ASTN2: variants seen among roughly 807,000 people sequenced by gnomAD.
ASTN2 encodes astrotactin 2, also known as astrotactin-2.
ASTN2 carries 54 observed loss-of-function variants against 139.8 expected under a neutral mutation model. The ratio of observed to expected loss-of-function variants is 0.39; its 90% CI spans 0.31 to 0.48. The LOEUF (loss-of-function observed/expected upper bound fraction) is 0.48. Among genes scored for constraint, ASTN2 ranks in the 20% least tolerant of loss-of-function variants. The pLI is 0.95. For missense variants in ASTN2, 1,565 were observed against 1,725.1 expected (o/e 0.91, Z 1.64); for synonymous variants, 756 against 719.5 (o/e 1.05, Z -0.81).
At chr9:117,135,906 G>A (rs974904372) in intron 4 of ASTN2, among the ~76,000 whole-genome samples, 16 of 152,146 alleles carry the variant, frequency 1.1e-4, no homozygotes, top group African/African-American at 3.9e-4. Context: ...CCCATGTGCT[G>A]GAGGCTGTAG....
At chr9:117,188,162 G>GTGAT (rs1452751750) in intron 3 of ASTN2, among the ~76,000 whole-genome samples, 2 of 124,338 alleles carry the variant, frequency 1.6e-5, no homozygotes, top group East Asian at 5.1e-4. Context: ...GTGTGTCTGT[G>GTGAT]TGATAGAGAG....
In ASTN2 at chr9:117,036,280, T is replaced by C. The variant is rs896065515; in HGVS notation, c.1423+3539A>G. ...ATTCCATTATGCCTGGAGACTAAGA[T>C]ACTGTGGACAAGGTCTTCCCAATGC... is the stretch of plus-strand genomic sequence containing the variant. On this transcript the variant is annotated intron_variant, in intron 6 of 22. Coordinates refer to ENST00000313400, the MANE Select transcript of ASTN2 (RefSeq NM_001365068.1). 2.0e-5 allele frequency among the ~76,000 whole-genome samples: 3 copies of C among 152,320 alleles called. No homozygotes were observed. The South Asian group carries it at 6.2e-4, about 32-fold the overall frequency.
chr9:116,755,281 C>T (rs900983194), intron 13 of ASTN2, among the ~76,000 whole-genome samples: 32 of 152,254 alleles, frequency 2.1e-4, no homozygotes, highest in African/African-American at 7.5e-4. Context: ...AGAAAATCCT[C>T]ATATGAAATT....
intron 19 of ASTN2, among the ~76,000 whole-genome samples, chr9:116,580,928 G>C (rs1853922804): frequency 6.6e-6 from 1 of 152,056 alleles, no homozygotes; most frequent in Admixed American, 6.5e-5. Context: ...TTTTGTGAAA[G>C]CATCAGTTGA....
intron 3 of ASTN2, among the ~76,000 whole-genome samples, chr9:117,175,166 A>T (rs985638991): frequency 2.2e-4 from 33 of 152,150 alleles, no homozygotes; most frequent in African/African-American, 8.0e-4. Context: ...GGAACAATTA[A>T]TAAATGTAAT....
At chr9:117,315,242 T>A (rs1587939904) in intron 1 of ASTN2, among the ~76,000 whole-genome samples, 1 of 152,294 alleles carries the variant, frequency 6.6e-6, no homozygotes, top group South Asian at 2.1e-4. Flanking sequence ...TTTCTCTATT[T>A]CAAGGAACAA....
chr9:117,361,750 T>A (rs1829697959), intron 1 of ASTN2, among the ~76,000 whole-genome samples: 1 of 152,166 alleles, frequency 6.6e-6, no homozygotes, highest in South Asian at 2.1e-4. Flanking sequence ...AAATTTTATC[T>A]ATACCAATCT....
intron 22 of ASTN2, among the ~76,000 whole-genome samples, chr9:116,435,548 T>C (rs1284418785): frequency 6.6e-6 from 1 of 152,200 alleles, no homozygotes; most frequent in Non-Finnish European, 1.5e-5. Flanking sequence ...CTTCGAACTC[T>C]CTTCTCCAAT....
chr9:116,636,101 G>C (rs938194217), intron 17 of ASTN2, among the ~76,000 whole-genome samples: 1 of 152,106 alleles, frequency 6.6e-6, no homozygotes, highest in Non-Finnish European at 1.5e-5. Context: ...ACAAGCTATG[G>C]AACCAGACAA....
intron 19 of ASTN2, among the ~76,000 whole-genome samples, chr9:116,600,497 C>T (rs538727220): frequency 4.7e-4 from 72 of 152,142 alleles, no homozygotes; most frequent in Non-Finnish European, 9.8e-4. Context: ...AAATTCAATT[C>T]TTGACTCCAC....
chr9:117,246,067 A>G (rs922128213), intron 2 of ASTN2, among the ~76,000 whole-genome samples: 4 of 152,218 alleles, frequency 2.6e-5, no homozygotes, highest in Non-Finnish European at 5.9e-5. Flanking sequence ...AGACAAGACA[A>G]AATAACATGT....
Position 117,214,722 on chromosome 9 carries a change from C to T in ASTN2, c.651G>A (p.Leu217=), listed in dbSNP as rs1431113082. Residue 217 remains leucine (L), a synonymous_variant, in exon 3 of 23, where the codon CTG becomes CTA. Transcript: ENST00000313400. ...CCACGGTGAACACCAGCAGCAGCAG[C>T]AGCAGCGCGATGAGGCCACCCTGGA... The part of the protein sequence containing the change: ...ISVMGGLIAL[L]LLLLVFTVAL... 2 of 1,506,844 alleles carry T rather than the reference C, an allele frequency of 1.3e-6. No individual in the cohort carries two copies. The highest frequency in any genetic ancestry group is 1.4e-5 in the South Asian group (1 of 73,670). 93.3% of individuals were successfully genotyped at this position (1,506,844 alleles called of 1,614,324 possible).
intron 10 of ASTN2, among the ~76,000 whole-genome samples, chr9:116,961,518 G>A (rs926928875): frequency 6.6e-6 from 1 of 152,190 alleles, no homozygotes; most frequent in Non-Finnish European, 1.5e-5. Flanking sequence ...GTGTCCTCAA[G>A]ATTCATCTAT....
At chr9:117,077,004 G>A (rs1468798511) in intron 5 of ASTN2, among the ~76,000 whole-genome samples, 1 of 152,050 alleles carries the variant, frequency 6.6e-6, no homozygotes, top group African/African-American at 2.4e-5. Context: ...ATTTAATTTT[G>A]TTCAGAGACG....
At chr9:117,329,644 G>A (rs1404781516) in intron 1 of ASTN2, among the ~76,000 whole-genome samples, 3 of 152,148 alleles carry the variant, frequency 2.0e-5, no homozygotes, top group Non-Finnish European at 4.4e-5. Flanking sequence ...GGTGAGAGGA[G>A]AAACCAGATG....
At chr9:116,592,602 T>C (rs192615850) in intron 19 of ASTN2, among the ~76,000 whole-genome samples, 2 of 152,342 alleles carry the variant, frequency 1.3e-5, no homozygotes, top group East Asian at 3.9e-4. Flanking sequence ...TAAAACTTTG[T>C]GGAAAATGTT....
intron 11 of ASTN2, among the ~76,000 whole-genome samples, chr9:116,827,148 A>T (rs1831655167): frequency 6.6e-6 from 1 of 151,904 alleles, no homozygotes. Context: ...CGTCTCTATT[A>T]AAAATACAAA....
intron 10 of ASTN2, among the ~76,000 whole-genome samples, chr9:116,938,130 G>A (rs936163509): frequency 6.6e-6 from 1 of 152,144 alleles, no homozygotes; most frequent in Non-Finnish European, 1.5e-5. Flanking sequence ...AACACCTGTG[G>A]TCTTTCTACT....
intron 10 of ASTN2, among the ~76,000 whole-genome samples, chr9:116,881,569 C>G (rs1286897106): frequency 1.3e-5 from 2 of 152,242 alleles, no homozygotes; most frequent in African/African-American, 4.8e-5. Context: ...TAAAGCACCA[C>G]ATGCATTGCT....
Sources: gnomAD v4.1 joint callset for allele counts (sites outside exome capture counted in the v4.1 genomes callset) on GRCh38, gnomAD v4.1.1 for gene constraint, MANE v1.5 for transcripts, NCBI Gene and HGNC (gene_info 2026-07-23, HGNC 2026-07-21) for gene names.